UBE2D3: variants seen among roughly 807,000 people sequenced by gnomAD.
UBE2D3 encodes the protein ubiquitin conjugating enzyme E2 D3, also known as ubiquitin-conjugating enzyme E2 D3.
A neutral mutation model predicts 22.8 loss-of-function variants in UBE2D3; 2 were observed. The ratio of observed to expected loss-of-function variants is 0.09; its 90% CI spans 0.04 to 0.28. The LOEUF (loss-of-function observed/expected upper bound fraction) is 0.28, where lower values mean the gene tolerates loss of function less well. Among genes scored for constraint, UBE2D3 ranks in the 10% least tolerant of loss-of-function variants. The pLI is 1.00. For missense variants in UBE2D3, 27 were observed against 182.5 expected (o/e 0.15, Z 4.91); for synonymous variants, 56 against 60.4 (o/e 0.93, Z 0.34).
chr4:102,810,064 CA>C (rs1228548957), intron 2 of UBE2D3: 1 of 516,026 alleles, frequency 1.9e-6, no homozygotes, highest in Admixed American at 3.8e-5. Flanking sequence ...AATATATATG[CA>C]AACACATTGA....
At chr4:102,863,553 G>C (rs1733001785) in intron 1 of UBE2D3, among the ~76,000 whole-genome samples, 1 of 152,064 alleles carries the variant, frequency 6.6e-6, no homozygotes, top group African/African-American at 2.4e-5. Context: ...GGTTGCAGTG[G>C]TACAATCTCA....
chr4:102,821,858 T>C (rs919633556), intron 2 of UBE2D3, among the ~76,000 whole-genome samples: 3 of 152,194 alleles, frequency 2.0e-5, no homozygotes, highest in African/African-American at 2.4e-5. Context: ...CCCAACAATA[T>C]ATAATATTCA....
At chr4:102,810,160 G>A (rs1157810282) in intron 2 of UBE2D3, 2 of 249,954 alleles carry the variant, frequency 8.0e-6, no homozygotes, top group Non-Finnish European at 1.5e-5. Flanking sequence ...TAAGAGCTTA[G>A]ACCAGAGAGA....
chr4:102,803,843 A>G (rs930269058), intron 4 of UBE2D3, among the ~76,000 whole-genome samples: 1 of 152,206 alleles, frequency 6.6e-6, no homozygotes, highest in Non-Finnish European at 1.5e-5. Context: ...ATCTCAGCTC[A>G]CTGCGACCTC....
chr4:102,827,867 G>A (rs763081577), upstream of UBE2D3: 136 of 985,718 alleles, frequency 1.4e-4, no homozygotes, highest in Non-Finnish European at 1.6e-4. Flanking sequence ...AGGAGACCAT[G>A]GGAGGAAGGT....
intron 1 of UBE2D3, among the ~76,000 whole-genome samples, chr4:102,842,918 TGGCCAACG>T (rs1281649528): frequency 1.8e-4 from 6 of 33,342 alleles, no homozygotes; most frequent in African/African-American, 1.1e-3. Flanking sequence ...AAGACCAGCC[TGGCCAACG>T]TGGTGAAACC....
chr4:102,809,397 A>G (rs942463941), intron 4 of UBE2D3: 1 of 415,088 alleles, frequency 2.4e-6, no homozygotes. Context: ...TGCTTTACAC[A>G]GTGCTATGTA....
At chr4:102,865,493 A>C (rs1383972963) in intron 1 of UBE2D3, among the ~76,000 whole-genome samples, 1 of 144,246 alleles carries the variant, frequency 6.9e-6, no homozygotes, top group Non-Finnish European at 1.5e-5. Flanking sequence ...GTCTCAACCA[A>C]AAAAAAAAAA....
In UBE2D3 at chr4:102,827,144, TAC is replaced by T. The variant is rs929690992; in HGVS notation, c.-129+281_-129+282del. On this transcript the variant is annotated intron_variant, in intron 1 of 7. Coordinates refer to ENST00000453744, the MANE Select transcript of UBE2D3 (RefSeq NM_181891.3). ...TTCTGTGTCACCCCTGACGCCACCG[TAC>T]ACTCACTCCGCCTTCCAGCGCGCTC... is the stretch of plus-strand genomic sequence containing the variant. 13 of 986,716 alleles carry T rather than the reference TAC, an allele frequency of 1.3e-5. No individual in the cohort carries two copies. The African/African-American group carries it at 2.3e-4, about 17-fold the overall frequency. 61.1% of individuals were successfully genotyped at this position (986,716 alleles called of 1,614,324 possible).
intron 4 of UBE2D3, among the ~76,000 whole-genome samples, chr4:102,805,375 T>C (rs115871980): frequency 0.01 from 1,561 of 152,288 alleles, 32 homozygotes; most frequent in African/African-American, 0.035. Flanking sequence ...ACTCAAATCG[T>C]ACAAGTCCAG....
chr4:102,798,046 T>C (rs72939657), intron 7 of UBE2D3, among the ~76,000 whole-genome samples: 263 of 151,738 alleles, frequency 1.7e-3, no homozygotes, highest in African/African-American at 6.1e-3. Flanking sequence ...TTCATCAGAA[T>C]CACGTGTTAC....
chr4:102,835,774 T>C (rs986229479), intron 1 of UBE2D3, among the ~76,000 whole-genome samples: 5 of 104,312 alleles, frequency 4.8e-5, no homozygotes, highest in African/African-American at 2.3e-4. Context: ...TTTGATAAGC[T>C]AACATATATA....
intron 1 of UBE2D3, among the ~76,000 whole-genome samples, chr4:102,844,887 T>C (rs1451258337): frequency 1.3e-5 from 2 of 151,640 alleles, no homozygotes; most frequent in African/African-American, 2.4e-5. Flanking sequence ...CTAGGCATGG[T>C]GGTGGGCGCC....
chr4:102,831,141 G>A (rs1262165538), upstream of UBE2D3, among the ~76,000 whole-genome samples: 1 of 152,122 alleles, frequency 6.6e-6, no homozygotes, highest in Non-Finnish European at 1.5e-5. Flanking sequence ...CATTTTATTA[G>A]TTTAATTAAA....
intron 1 of UBE2D3, among the ~76,000 whole-genome samples, chr4:102,844,891 G>A (rs1287767101): frequency 1.3e-5 from 2 of 151,980 alleles, no homozygotes; most frequent in Non-Finnish European, 2.9e-5. Context: ...GCATGGTGGT[G>A]GGCGCCTGTA....
At chr4:102,853,776 G>A (rs1173891090) in intron 1 of UBE2D3, among the ~76,000 whole-genome samples, 1 of 152,082 alleles carries the variant, frequency 6.6e-6, no homozygotes, top group East Asian at 1.9e-4. Context: ...GTATCTGAAT[G>A]AACTATCTAT....
exon 1 of UBE2D3, chr4:102,868,772 G>A (rs766435168): frequency 1.2e-6 from 2 of 1,613,960 alleles, no homozygotes; most frequent in Non-Finnish European, 8.5e-7. Context: ...ATCGCACACA[G>A]TATCCTTTCT....
intron 1 of UBE2D3, among the ~76,000 whole-genome samples, chr4:102,836,141 A>ATTTTTTTTTTTTTTTT (rs907557988): frequency 4.9e-5 from 5 of 102,644 alleles, no homozygotes; most frequent in Admixed American, 1.1e-4. Flanking sequence ...GTTTGTTTCC[A>ATTTTTTTTTTTTTTTT]TTTTTTTTTT....
rs972262335 is a variant in UBE2D3 at position 102,826,781 on chromosome 4, C to T, written c.-128-145G>A. 7.1e-6 allele frequency: 9 copies of T among 1,263,670 alleles called. No homozygotes were observed. In the African/African-American group the frequency reaches 1.2e-4, roughly 17 times the overall value. 78.3% of individuals were successfully genotyped at this position (1,263,670 alleles called of 1,614,324 possible). Reference sequence around the variant, plus strand: ...CAGCCTCTGTACCGTGCTTTCGGCCCGAAGTGGGGGCGAGGGTGACGGGAA... The same window carrying T: ...CAGCCTCTGTACCGTGCTTTCGGCCTGAAGTGGGGGCGAGGGTGACGGGAA... On this transcript the variant is annotated intron_variant, in intron 1 of 7. Transcript: ENST00000453744.
Sources: allele counts gnomAD v4.1 joint callset (sites outside exome capture counted in the v4.1 genomes callset), GRCh38; gene constraint gnomAD v4.1.1; transcripts MANE v1.5; gene names NCBI Gene and HGNC (gene_info 2026-07-23, HGNC 2026-07-21).